The following LTBR variants were observed in gnomAD, a reference collection of about 807,000 sequenced individuals.
LTBR encodes lymphotoxin beta receptor.
Under a neutral mutation model 45.4 loss-of-function variants are expected in LTBR, and 15 were observed. That is an observed-to-expected ratio of 0.33 (90% CI 0.22 to 0.51). The LOEUF is 0.51. LTBR is among the 20% of genes least tolerant of loss of function. The pLI is 0.97. For missense variants in LTBR, 450 were observed against 565.5 expected (o/e 0.80, Z 2.07); for synonymous variants, 228 against 231.0 (o/e 0.99, Z 0.12).
Position 6,385,321 on chromosome 12 carries a change from G to A in LTBR, c.414G>A (p.Glu138=), listed in dbSNP as rs754690702. 10 of 1,614,042 alleles carry A rather than the reference G, an allele frequency of 6.2e-6. No individual in the cohort carries two copies. The highest frequency in any genetic ancestry group is 2.2e-5 in the South Asian group (2 of 91,092). ...TGTTCTGTGCTGCCTGGGCCCTCGAGTGTACACACTGCGAGCTACTTTCTG... is the reference window on the plus strand; with the variant it reads ...TGTTCTGTGCTGCCTGGGCCCTCGAATGTACACACTGCGAGCTACTTTCTG... ...PGMFCAAWAL[E]CTHCELLSDC... Residue 138 remains glutamate (E), a synonymous_variant, in exon 4 of 10, where the codon GAG becomes GAA. Transcript: ENST00000228918.
At chr12:6,384,125 A>C (rs1251974710), upstream of LTBR, 1 of 1,265,106 alleles carries the variant, frequency 7.9e-7, no homozygotes, top group Non-Finnish European at 9.9e-7. Flanking sequence ...CCTGGCTCCC[A>C]GCGCTCCCTG....
chr12:6,385,106 A>T lies in LTBR; in HGVS notation c.278A>T (p.Asn93Ile). The T allele has an allele frequency of 6.2e-7, 1 of 1,614,216 alleles. No individual in the cohort carries two copies. Among genetic ancestry groups the T allele is most frequent in the Non-Finnish European group, 8.5e-7 (1 of 1,180,026 alleles). ...GAGAATTCCTACAACGAGCACTGGA[A>T]CTACCTGACCATCTGCCAGCTGTGC... is the stretch of plus-strand genomic sequence containing the variant. ...CAENSYNEHW[N>I]YLTICQLCRP... Residue 93 changes from asparagine to isoleucine, a missense_variant, in exon 3 of 10, where the codon AAC becomes ATC. By Grantham distance (149) the Asn-to-Ile change is moderately radical. Transcript: ENST00000228918.
intron 1 of LTBR, among the ~76,000 whole-genome samples, chr12:6,378,229 C>T (rs201470104): frequency 2.0e-5 from 3 of 151,924 alleles, no homozygotes; most frequent in African/African-American, 7.3e-5. Flanking sequence ...ATATATAGTT[C>T]TTTTTTATGA....
At position 6,385,085 on chromosome 12, in the gene LTBR, A is replaced by G. The variant is rs759859596; in HGVS notation, c.257A>G (p.Asn86Ser). The change falls in exon 3 of 10, where the codon AAT becomes AGT. Residue 86 changes from asparagine to serine, a missense_variant. Physicochemically the swap from Asn to Ser is conservative, Grantham distance 46 (BLOSUM62 1). Coordinates refer to ENST00000228918, the MANE Select transcript of LTBR (RefSeq NM_002342.3). ...RDTVCATCAENSYNEHWNYLT... is the reference protein window; with the variant it reads ...RDTVCATCAESSYNEHWNYLT... ...ACAGTTTGTGCCACATGTGCCGAGA[A>G]TTCCTACAACGAGCACTGGAACTAC... The G allele has an allele frequency of 5.6e-6, 9 of 1,614,086 alleles. No homozygotes were observed. The highest frequency in any genetic ancestry group is 7.6e-6 in the Non-Finnish European group (9 of 1,180,044).
At position 6,384,595 on chromosome 12, in the gene LTBR, C is replaced by A. The variant is rs1196020286; in HGVS notation, c.104C>A (p.Pro35Gln). The A allele has an allele frequency of 6.2e-7, 1 of 1,614,120 alleles. No homozygotes were observed. The highest frequency in any genetic ancestry group is 1.7e-5 in the Admixed American group (1 of 60,030). The change falls in exon 2 of 10, where the codon CCA becomes CAA. Residue 35 changes from proline (P) to glutamine (Q), a missense_variant. Physicochemically the swap from Pro to Gln is moderately conservative, Grantham distance 76. This residue lies in a region of LTBR where 367 missense variants were observed against 435.4 expected (regional missense o/e 0.84). Coordinates refer to ENST00000228918, the MANE Select transcript of LTBR (RefSeq NM_002342.3). ...LAASQPQAVP[P>Q]YASENQTCRD... is the part of the protein sequence containing the mutation. ...CTCCATCTCCCTTTGAAGGTGCCTCCATATGCGTCGGAGAACCAGACCTGC... is the reference window on the plus strand; with the variant it reads ...CTCCATCTCCCTTTGAAGGTGCCTCAATATGCGTCGGAGAACCAGACCTGC...
rs1483710108 is a variant in LTBR at position 6,388,295 on chromosome 12, T to G, written c.668-103T>G. On this transcript the variant is annotated intron_variant, in intron 6 of 9. Transcript: ENST00000228918. This position sits in a 1 kb window ranked among gnomAD's most constrained non-coding sequence, Gnocchi z 4.3. ...CTAGAAGGAAAAAAGCTGCTCCCTTTTCTCTGTCTGGGTTGCCCAGGGATC... is the reference window on the plus strand; with the variant it reads ...CTAGAAGGAAAAAAGCTGCTCCCTTGTCTCTGTCTGGGTTGCCCAGGGATC... 9.8e-6 allele frequency: 8 copies of G among 820,166 alleles called. No homozygotes were observed. Among genetic ancestry groups the G allele is most frequent in the Non-Finnish European group, 1.6e-5 (8 of 487,984 alleles). 50.8% of individuals were successfully genotyped at this position (820,166 alleles called of 1,614,324 possible). A position where few individuals can be genotyped will look rare whatever the true frequency, so the allele number is the denominator to read the frequency against.
intron 1 of LTBR, chr12:6,375,774 A>C (rs1055278175): frequency 2.1e-6 from 3 of 1,403,846 alleles, no homozygotes; most frequent in Non-Finnish European, 2.8e-6. Flanking sequence ...TGAGGGGCAA[A>C]GATCTGAACA....
chr12:6,390,904 G>A lies in LTBR; in HGVS notation c.1275G>A (p.Arg425=), dbSNP rs754059692. Residue 425 remains arginine (R), a synonymous_variant, in exon 10 of 10, where the codon AGG becomes AGA. Transcript: ENST00000228918. ...TEHCGATPSN[R]GPRNQFITHD Reference sequence around the variant, plus strand: ...ACTGTGGTGCCACACCCTCTAACAGGGGCCCAAGGAACCAATTTATCACCC... The same window carrying A: ...ACTGTGGTGCCACACCCTCTAACAGAGGCCCAAGGAACCAATTTATCACCC... 14 of 1,580,910 alleles carry A rather than the reference G, an allele frequency of 8.9e-6. No individual in the cohort carries two copies. The East Asian group carries it at 3.0e-4, about 34-fold the overall frequency.
intron 4 of LTBR, 42 bp downstream of exon 4, chr12:6,385,421 G>C (rs1464897875): frequency 6.2e-7 from 1 of 1,608,308 alleles, no homozygotes; most frequent in African/African-American, 1.3e-5. Context: ...AGGAGGCTGG[G>C]TGCCAGGGAT....
rs977289235 is a variant in LTBR at position 6,385,039 on chromosome 12, A to C, written c.211A>C (p.Lys71Gln). Residue 71 changes from lysine to glutamine, a missense_variant, in exon 3 of 10, where the codon AAA becomes CAA. Around this residue, in one of 3 missense-constraint regions of LTBR, gnomAD observed 367 missense variants for 435.4 expected, o/e 0.84. Transcript: ENST00000228918. ...RCPPGTYVSA[K>Q]CSRIRDTVCA... ...CGTTCTAGGCACCTATGTCTCAGCT[A>C]AATGTAGCCGCATCCGGGACACAGT... 18 of 1,614,078 alleles carry C rather than the reference A, an allele frequency of 1.1e-5. No homozygotes were observed. The highest frequency in any genetic ancestry group is 3.3e-5 in the Admixed American group (2 of 60,010).
intron 2 of LTBR, 124 bp downstream of exon 2, chr12:6,384,808 G>A (rs1163197750): frequency 2.8e-6 from 3 of 1,079,416 alleles, no homozygotes; most frequent in East Asian, 2.5e-5. Context: ...GGAGACGAGC[G>A]TGGGAAACCC....
chr12:6,385,167 CG>C lies in LTBR; in HGVS notation c.319+27del, dbSNP rs563848590. The C allele has an allele frequency of 8.1e-6, 13 of 1,613,866 alleles. No homozygotes were observed. The highest frequency in any genetic ancestry group is 1.1e-5 in the Non-Finnish European group (13 of 1,179,980). On this transcript the variant is annotated intron_variant, in intron 3 of 9. Transcript: ENST00000228918. ...ACCCAGGTGAGTGGGGATGTGCCTGCGGGGGGGCTGGATCCCCTGGAGCTTG... is the reference window on the plus strand; with the variant it reads ...ACCCAGGTGAGTGGGGATGTGCCTGCGGGGGGCTGGATCCCCTGGAGCTTG...
chr12:6,379,947 AC>A (rs1328011197), upstream of LTBR, among the ~76,000 whole-genome samples: 782 of 127,072 alleles, frequency 6.2e-3, 12 homozygotes, highest in African/African-American at 0.021. Context: ...AAAAAAAAAA[AC>A]AAAAAAAAAA....
At chr12:6,387,834 C>T (rs1281146410) in intron 6 of LTBR, 1 of 455,222 alleles carries the variant, frequency 2.2e-6, no homozygotes, top group Non-Finnish European at 4.4e-6. Context: ...AACTTGCAAG[C>T]CCTGCTCTAC....
At position 6,390,165 on chromosome 12, in the gene LTBR, A is replaced by G; in HGVS notation, c.855A>G (p.Pro285=). Residue 285 remains proline, a synonymous_variant, in exon 9 of 10, where the codon CCA becomes CCG. Coordinates refer to ENST00000228918, the MANE Select transcript of LTBR (RefSeq NM_002342.3). Reference sequence around the variant, plus strand: ...GCTGGGAGCCTCCGAAGGCCCATCCATACTTCCCTGACTTGGTACAGCCAC... The same window carrying G: ...GCTGGGAGCCTCCGAAGGCCCATCCGTACTTCCCTGACTTGGTACAGCCAC... ...AGSWEPPKAH[P]YFPDLVQPLL... The G allele has an allele frequency of 1.2e-6, 2 of 1,614,140 alleles. No individual in the cohort carries two copies. Among genetic ancestry groups the G allele is most frequent in the East Asian group, 2.2e-5 (1 of 44,876 alleles).
intron 1 of LTBR, chr12:6,377,142 G>A: frequency 1.2e-6 from 1 of 823,410 alleles, no homozygotes; most frequent in South Asian, 1.8e-5. Context: ...AGTACTCCAG[G>A]CTCAGGGTCC....
chr12:6,380,579 C>T (rs1174604635), upstream of LTBR, among the ~76,000 whole-genome samples: 1 of 151,896 alleles, frequency 6.6e-6, no homozygotes, highest in Non-Finnish European at 1.5e-5. Context: ...AGCTACTCAA[C>T]TTGGGAGGCT....
In LTBR at chr12:6,386,468, A is replaced by G. The variant is rs758255064; in HGVS notation, c.667+24A>G. On this transcript the variant is annotated intron_variant, in intron 6 of 9. Coordinates refer to ENST00000228918, the MANE Select transcript of LTBR (RefSeq NM_002342.3). The surrounding 1 kb of genome is among the most constrained non-coding windows in gnomAD (Gnocchi z 4.1). ...AGGTGAGGGACCAGGGCTGAGGGAC[A>G]CGGGGGGGGCGCCTCTGAAAATGCC... 1 of 1,162,752 alleles carries G rather than the reference A, an allele frequency of 8.6e-7. No homozygotes were observed. Among genetic ancestry groups the G allele is most frequent in the Non-Finnish European group, 1.2e-6 (1 of 847,646 alleles). 72.0% of individuals were successfully genotyped at this position (1,162,752 alleles called of 1,614,324 possible).
intron 1 of LTBR, chr12:6,375,829 G>T: frequency 7.4e-7 from 1 of 1,354,052 alleles, no homozygotes; most frequent in Non-Finnish European, 9.4e-7. Flanking sequence ...AACACAAGGA[G>T]AAGGGGCCAG....
Sources: allele counts gnomAD v4.1 joint callset (sites outside exome capture counted in the v4.1 genomes callset), GRCh38; gene constraint gnomAD v4.1.1; regional missense constraint gnomAD v4.1.1; non-coding constraint Gnocchi (gnomAD v3.1); transcripts MANE v1.5; gene names NCBI Gene and HGNC (gene_info 2026-07-23, HGNC 2026-07-21).